The following SNTB1 variants were observed in gnomAD, a reference collection of about 807,000 sequenced individuals.
The protein encoded by SNTB1 is syntrophin beta 1.
SNTB1 carries 36 observed loss-of-function variants against 48.9 expected under a neutral mutation model. That is an observed-to-expected ratio of 0.74 (90% CI 0.56 to 0.97). SNTB1 has a LOEUF of 0.97. SNTB1 is among the 50% of genes least tolerant of loss of function. The pLI is 0.00. For synonymous variants in SNTB1, 299 were observed against 294.6 expected (o/e 1.01, Z -0.15); for missense variants, 786 against 703.4 (o/e 1.12, Z -1.33).
intron 1 of SNTB1, among the ~76,000 whole-genome samples, chr8:120,720,593 T>A (rs1818643225): frequency 6.6e-6 from 1 of 152,206 alleles, no homozygotes; most frequent in Admixed American, 6.5e-5. Flanking sequence ...CTATACTGAC[T>A]TATGGCGAGA....
intron 3 of SNTB1, among the ~76,000 whole-genome samples, chr8:120,587,294 A>G (rs1472325626): frequency 6.6e-6 from 1 of 152,218 alleles, no homozygotes; most frequent in Non-Finnish European, 1.5e-5. Flanking sequence ...CTAATGTTTT[A>G]TGGGAGGAAA....
chr8:120,575,189 G>A lies in SNTB1; in HGVS notation c.1033C>T (p.Leu345=), dbSNP rs1239845434. ...AGGTCTTTCTCAGTCAGCACAACCA[G>A]GGCTGGTTTCCACTGTTTCTTGCTC... ...GESKKQWKPA[L]VVLTEKDLLI... is the part of the protein sequence containing the mutation. Residue 345 remains leucine, a synonymous_variant, in exon 4 of 7, where the codon CTG becomes TTG. Transcript: ENST00000517992. 1 of 1,614,116 alleles carries A rather than the reference G, an allele frequency of 6.2e-7. No individual in the cohort carries two copies. The highest frequency in any genetic ancestry group is 8.5e-7 in the Non-Finnish European group (1 of 1,179,998).
intron 1 of SNTB1, among the ~76,000 whole-genome samples, chr8:120,793,680 G>C (rs1169019112): frequency 6.6e-6 from 1 of 151,928 alleles, no homozygotes; most frequent in Non-Finnish European, 1.5e-5. Flanking sequence ...CTGCAGATCA[G>C]CCTATTAAAC....
chr8:120,541,714 T>C (rs1357819604), intron 6 of SNTB1, 96 bp downstream of exon 6: 1 of 821,806 alleles, frequency 1.2e-6, no homozygotes, highest in East Asian at 2.8e-5. Flanking sequence ...AGCACATCAT[T>C]AGCAGTCAAA....
chr8:120,586,156 C>G (rs540481705), intron 3 of SNTB1, among the ~76,000 whole-genome samples: 1 of 152,226 alleles, frequency 6.6e-6, no homozygotes, highest in Non-Finnish European at 1.5e-5. Context: ...GAGATAAACT[C>G]TTTTCAGGAA....
chr8:120,736,483 C>A (rs935677393), intron 1 of SNTB1, among the ~76,000 whole-genome samples: 2 of 152,182 alleles, frequency 1.3e-5, no homozygotes, highest in African/African-American at 4.8e-5. Flanking sequence ...TGACCATGAA[C>A]CTGCTTACTG....
intron 4 of SNTB1, among the ~76,000 whole-genome samples, chr8:120,568,882 A>G (rs1277134938): frequency 6.6e-6 from 1 of 152,214 alleles, no homozygotes; most frequent in Admixed American, 6.5e-5. Context: ...GTAATTTGGG[A>G]GAGGGACAGT....
intron 1 of SNTB1, among the ~76,000 whole-genome samples, chr8:120,701,372 T>A (rs1461982738): frequency 6.6e-6 from 1 of 152,162 alleles, no homozygotes; most frequent in Non-Finnish European, 1.5e-5. Flanking sequence ...TGCCTGGATC[T>A]CATTTTCTTC....
intron 3 of SNTB1, among the ~76,000 whole-genome samples, chr8:120,580,933 G>A (rs567682914): frequency 1.7e-4 from 26 of 151,932 alleles, no homozygotes; most frequent in South Asian, 1.3e-3. Flanking sequence ...CAGACAAGAC[G>A]TCTAGAGCTG....
At chr8:120,659,547 C>CATTATACTGATCCGTCGATCCCCTA in intron 2 of SNTB1, among the ~76,000 whole-genome samples, 1 of 152,302 alleles carries the variant, frequency 6.6e-6, no homozygotes, top group Non-Finnish European at 1.5e-5. Flanking sequence ...TCCAAACACC[C>CATTATACTGATCCGTCGATCCCCTA]ATTAACATTG....
At chr8:120,681,434 G>A (rs574944810) in intron 2 of SNTB1, among the ~76,000 whole-genome samples, 134 of 152,304 alleles carry the variant, frequency 8.8e-4, no homozygotes, top group African/African-American at 3.2e-3. Flanking sequence ...GGGCCACAAA[G>A]AGAATTCCAT....
At chr8:120,796,354 C>T (rs1169175134) in intron 1 of SNTB1, among the ~76,000 whole-genome samples, 2 of 152,028 alleles carry the variant, frequency 1.3e-5, no homozygotes, top group African/African-American at 4.8e-5. Flanking sequence ...CACTTGATTA[C>T]TTCTATAAAG....
chr8:120,650,662 G>T lies in SNTB1; in HGVS notation c.789-18011C>A, dbSNP rs574770626. On this transcript the variant is annotated intron_variant, in intron 2 of 6. Coordinates refer to ENST00000517992, the MANE Select transcript of SNTB1 (RefSeq NM_021021.4). ...GATTTTATACCTATATATCTCCATT[G>T]CCTGGCATTAACTGAACTTCAGATA... 7.7e-4 allele frequency among the ~76,000 whole-genome samples: 118 copies of T among 152,258 alleles called. 1 individual carries two copies. Among genetic ancestry groups the T allele is most frequent in the Middle Eastern group, 3.4e-3 (1 of 294 alleles).
intron 1 of SNTB1, among the ~76,000 whole-genome samples, chr8:120,741,974 G>A (rs1819048858): frequency 6.6e-6 from 1 of 152,096 alleles, no homozygotes; most frequent in South Asian, 2.1e-4. Flanking sequence ...ATTGAGTTAG[G>A]GTATGTGTAA....
At chr8:120,550,429 CT>C (rs1266938525) in intron 4 of SNTB1, among the ~76,000 whole-genome samples, 12 of 151,676 alleles carry the variant, frequency 7.9e-5, no homozygotes, top group Admixed American at 5.9e-4. Context: ...GTAGTCCCAG[CT>C]ACTCGGCAGG....
At chr8:120,635,865 G>T (rs1416772497) in intron 2 of SNTB1, 2 of 359,838 alleles carry the variant, frequency 5.6e-6, no homozygotes. Flanking sequence ...AATAGTTGTA[G>T]TCAAGCTGGC....
chr8:120,560,514 T>G lies in SNTB1; in HGVS notation c.1137-11556A>C, dbSNP rs374208325. On this transcript the variant is annotated intron_variant, in intron 4 of 6. Coordinates refer to ENST00000517992, the MANE Select transcript of SNTB1 (RefSeq NM_021021.4). ...AATAAATAAATAATAAATAAATAAATAAACTCCTTTAATCTGAATATGGTA... is the reference window on the plus strand; with the variant it reads ...AATAAATAAATAATAAATAAATAAAGAAACTCCTTTAATCTGAATATGGTA... Among the ~76,000 whole-genome samples the G allele has an allele frequency of 3.3e-5, 5 of 152,166 alleles. No homozygotes were observed. The East Asian group carries it at 9.7e-4, about 29-fold the overall frequency.
At chr8:120,757,103 A>T (rs774693396) in intron 1 of SNTB1, among the ~76,000 whole-genome samples, 19 of 152,156 alleles carry the variant, frequency 1.2e-4, no homozygotes, top group Admixed American at 8.5e-4. Context: ...TGGGCTAAGG[A>T]CTGTGCATAA....
chr8:120,636,490 G>A (rs573870236), intron 2 of SNTB1, among the ~76,000 whole-genome samples: 14 of 133,822 alleles, frequency 1.0e-4, no homozygotes, highest in East Asian at 2.1e-4. Flanking sequence ...AGAATATGCG[G>A]TGTTTGGTTT....
Sources: gnomAD v4.1 joint callset for allele counts (sites outside exome capture counted in the v4.1 genomes callset) on GRCh38, gnomAD v4.1.1 for gene constraint, MANE v1.5 for transcripts, NCBI Gene and HGNC (gene_info 2026-07-23, HGNC 2026-07-21) for gene names.